The following TDP1 variants were observed in gnomAD, a reference collection of about 807,000 sequenced individuals.
The protein encoded by TDP1 is tyr-DNA phosphodiesterase 1.
In TDP1, 64 loss-of-function variants were observed where a neutral mutation model predicts 81.5. That is an observed-to-expected ratio of 0.79 (90% CI 0.64 to 0.97). The LOEUF (loss-of-function observed/expected upper bound fraction) is 0.97, where lower values mean the gene tolerates loss of function less well. Among genes scored for constraint, TDP1 ranks in the 50% least tolerant of loss-of-function variants. The pLI, the probability that TDP1 is intolerant of heterozygous loss-of-function variation, is 0.00. For synonymous variants in TDP1, 256 were observed against 264.3 expected (o/e 0.97, Z 0.30); for missense variants, 723 against 743.8 (o/e 0.97, Z 0.33).
In TDP1 at chr14:90,041,255, A is replaced by G. The variant is rs192893946; in HGVS notation, c.1754-1815A>G. On this transcript the variant is annotated intron_variant, in intron 16 of 16. Transcript: ENST00000335725. ...GGGCTTGCTGAGGCCAATGAGTGCA[A>G]TGGGGAGTCAGATCTGTCAGCCCTG... 1.5e-3 allele frequency among the ~76,000 whole-genome samples: 229 copies of G among 152,296 alleles called. 1 individual carries two copies. Among genetic ancestry groups the G allele is most frequent in the African/African-American group, 5.2e-3 (216 of 41,572 alleles).
At chr14:89,964,557 A>G (rs1032141555) in intron 3 of TDP1, among the ~76,000 whole-genome samples, 2 of 152,232 alleles carry the variant, frequency 1.3e-5, no homozygotes, top group African/African-American at 2.4e-5. Context: ...AGTAATGTTC[A>G]CTGTCAGCAG....
intron 14 of TDP1, among the ~76,000 whole-genome samples, chr14:89,997,343 T>G (rs972776872): frequency 6.6e-6 from 1 of 152,174 alleles, no homozygotes; most frequent in African/African-American, 2.4e-5. Flanking sequence ...CTGCCTAGAC[T>G]GCATAATGGA....
chr14:89,992,005 C>T, intron 13 of TDP1, 22 bp downstream of exon 13: 1 of 1,597,462 alleles, frequency 6.3e-7, no homozygotes, highest in East Asian at 2.2e-5. Context: ...GTTTAGACTG[C>T]TGCTATTGCT....
chr14:89,993,255 A>T, intron 13 of TDP1, 121 bp from the exon 14 acceptor site: 1 of 1,265,346 alleles, frequency 7.9e-7, no homozygotes, highest in Non-Finnish European at 1.1e-6. Flanking sequence ...CAGGTCACAG[A>T]GTCGTGTAGC....
At chr14:90,010,786 A>T (rs1351885856) in intron 14 of TDP1, among the ~76,000 whole-genome samples, 3 of 152,348 alleles carry the variant, frequency 2.0e-5, no homozygotes, top group Non-Finnish European at 2.9e-5. Flanking sequence ...TCTTTGTTTT[A>T]AGTCATTAAA....
Position 89,977,381 on chromosome 14 carries a change from T to C in TDP1, c.791+1566T>C, listed in dbSNP as rs367637281. Among the ~76,000 whole-genome samples, 15 of 152,270 alleles carry C rather than the reference T, an allele frequency of 9.9e-5. 1 individual carries two copies. In the East Asian group the frequency reaches 1.2e-3, roughly 12 times the overall value. On this transcript the variant is annotated intron_variant, in intron 7 of 16. Coordinates refer to ENST00000335725, the MANE Select transcript of TDP1 (RefSeq NM_018319.4). ...GGCGCAATCTCAGCTCGTTACAACC[T>C]CCGCCTCCCAGGTTCAAGCAATTCT...
chr14:89,980,755 G>A, intron 8 of TDP1, 123 bp downstream of exon 8: 2 of 818,202 alleles, frequency 2.4e-6, no homozygotes, highest in Non-Finnish European at 4.0e-6. Context: ...ACATGGCCTA[G>A]AAAAAGAGTT....
chr14:89,971,232 T>C lies in TDP1; in HGVS notation c.717T>C (p.His239=), dbSNP rs1047753746. ...GDKREAKAHL[H]AQAKPYENIS... ...AGCGAGAGGCTAAGGCTCACCTCCA[T>C]GCCCAGGCCAAGCCTTACGAGAACA... Residue 239 remains histidine (H), a synonymous_variant, in exon 6 of 17, where the codon CAT becomes CAC. Transcript: ENST00000335725. 1 of 1,614,148 alleles carries C rather than the reference T, an allele frequency of 6.2e-7. No individual in the cohort carries two copies. Among genetic ancestry groups the C allele is most frequent in the Non-Finnish European group, 8.5e-7 (1 of 1,179,990 alleles).
At chr14:89,976,907 A>C (rs1456595407) in intron 7 of TDP1, among the ~76,000 whole-genome samples, 1 of 152,108 alleles carries the variant, frequency 6.6e-6, no homozygotes, top group Admixed American at 6.5e-5. Context: ...TAATCCCAGC[A>C]CTTTGGGAGG....
At chr14:89,975,924 C>T (rs566017541) in intron 7 of TDP1, 109 bp downstream of exon 7, 9 of 860,340 alleles carry the variant, frequency 1.0e-5, no homozygotes, top group African/African-American at 1.7e-5. Context: ...GGATCTAGCA[C>T]AGCGATGCTT....
intron 8 of TDP1, chr14:89,981,463 C>T: frequency 4.4e-6 from 2 of 454,626 alleles, no homozygotes; most frequent in South Asian, 1.6e-5. Flanking sequence ...TTTGTTTAAG[C>T]CATTTTGTAC....
chr14:89,967,052 A>G, intron 4 of TDP1: 1 of 985,086 alleles, frequency 1.0e-6, no homozygotes, highest in Non-Finnish European at 1.2e-6. Flanking sequence ...TTTTATTTAA[A>G]TTAATCTCAG....
rs150979272 is a variant in TDP1, at chr14:89,993,045, G to T, written c.1434-331G>T. 7.6e-5 allele frequency: 66 copies of T among 873,348 alleles called. No individual in the cohort carries two copies. The African/African-American group carries it at 1.2e-3, about 16-fold the overall frequency. 54.1% of individuals were successfully genotyped at this position (873,348 alleles called of 1,614,324 possible). ...TGGAAGCATGATTCTTCCCTTTAAG[G>T]AGCTCACAGTTCAGGCAGGAGACAT... is the stretch of plus-strand genomic sequence containing the variant. On this transcript the variant is annotated intron_variant, in intron 13 of 16. Coordinates refer to ENST00000335725, the MANE Select transcript of TDP1 (RefSeq NM_018319.4).
Position 90,043,249 on chromosome 14 carries a change from T to G in TDP1, c.*106T>G. The G allele has an allele frequency of 7.2e-7, 1 of 1,386,490 alleles. No individual in the cohort carries two copies. The highest frequency in any genetic ancestry group is 1.0e-6 in the Non-Finnish European group (1 of 988,138). The allele number at this position is 1,386,490 out of a possible 1,614,324, so 85.9% of individuals were successfully genotyped here. Reference sequence around the variant, plus strand: ...TTCCCTTAAAGTCTTATTTGCACCCTTACAAAATCTTTCCAAAGGTCACTC... The same window carrying G: ...TTCCCTTAAAGTCTTATTTGCACCCGTACAAAATCTTTCCAAAGGTCACTC... On this transcript the variant is annotated 3_prime_UTR_variant, in exon 17 of 17. Transcript: ENST00000335725.
intron 14 of TDP1, among the ~76,000 whole-genome samples, chr14:90,016,885 C>T (rs1012926144): frequency 1.3e-5 from 2 of 152,028 alleles, no homozygotes; most frequent in Non-Finnish European, 2.9e-5. Flanking sequence ...AGAGTTCTAC[C>T]CTAATGATCT....
At chr14:90,018,699 C>T (rs2140258604) in intron 14 of TDP1, among the ~76,000 whole-genome samples, 1 of 152,246 alleles carries the variant, frequency 6.6e-6, no homozygotes, top group Admixed American at 6.5e-5. Context: ...CCCGCCTCGG[C>T]CTCCCAAAAT....
chr14:90,012,671 G>T (rs1884850628), intron 14 of TDP1, among the ~76,000 whole-genome samples: 1 of 152,022 alleles, frequency 6.6e-6, no homozygotes, highest in Non-Finnish European at 1.5e-5. Context: ...AGAAATATGG[G>T]GTAGGAACCC....
chr14:90,002,361 C>A (rs188033878), intron 14 of TDP1, among the ~76,000 whole-genome samples: 21 of 152,286 alleles, frequency 1.4e-4, no homozygotes, highest in Admixed American at 1.3e-3. Context: ...CGCATTTATA[C>A]CCTTGGCTTT....
Position 90,041,816 on chromosome 14 carries a change from A to G in TDP1, c.1754-1254A>G, listed in dbSNP as rs572662774. On this transcript the variant is annotated intron_variant, in intron 16 of 16. Transcript: ENST00000335725. The stretch of plus-strand genomic sequence containing the variant: ...GAAATGGTTTGACTCTAGCAGTGGC[A>G]ATGTGTGGTAAAAGTGATCTGTTGA... Among the ~76,000 whole-genome samples, 3 of 152,330 alleles carry G rather than the reference A, an allele frequency of 2.0e-5. No homozygotes were observed. In the East Asian group the frequency reaches 5.8e-4, roughly 29 times the overall value.
Sources: allele counts gnomAD v4.1 joint callset (sites outside exome capture counted in the v4.1 genomes callset), GRCh38; gene constraint gnomAD v4.1.1; transcripts MANE v1.5; gene names NCBI Gene and HGNC (gene_info 2026-07-23, HGNC 2026-07-21).